Variants in KLF12 observed in about 807,000 individuals in gnomAD.
KLF12 encodes the protein KLF transcription factor 12.
Under a neutral mutation model 37.8 loss-of-function variants are expected in KLF12, and 9 were observed. The observed-to-expected ratio is 0.24, with a 90% CI of 0.14 to 0.42. KLF12 has a LOEUF of 0.42. Ranked by LOEUF, KLF12 falls within the 10% of genes least tolerant of loss-of-function variation. The pLI, the probability that KLF12 is intolerant of heterozygous loss-of-function variation, is 1.00. For missense variants in KLF12, 411 were observed against 516.0 expected, an observed-to-expected ratio of 0.80 and a Z score of 1.97; for synonymous variants, 208 against 202.1, an observed-to-expected ratio of 1.03 and a Z score of -0.25.
chr13:74,148,852 T>C, the KLF12 span, among the ~76,000 whole-genome samples: 1 of 151,890 alleles, frequency 6.6e-6, no homozygotes, highest in South Asian at 2.1e-4. Flanking sequence ...TCTCACTCTG[T>C]CACCCAGGCT....
At chr13:73,721,383 T>C (rs1010249989) in intron 6 of KLF12, among the ~76,000 whole-genome samples, 2 of 152,246 alleles carry the variant, frequency 1.3e-5, no homozygotes, top group African/African-American at 2.4e-5. Context: ...AACCCAATTA[T>C]ATAAAACAAC....
intron 7 of KLF12, among the ~76,000 whole-genome samples, chr13:73,713,392 C>T (rs1875553994): frequency 6.6e-6 from 1 of 152,132 alleles, no homozygotes; most frequent in African/African-American, 2.4e-5. Context: ...CAATAGTCAG[C>T]CAGAAGTGCC....
At chr13:73,907,279 T>C (rs112545683) in intron 3 of KLF12, among the ~76,000 whole-genome samples, 22 of 152,180 alleles carry the variant, frequency 1.4e-4, no homozygotes, top group African/African-American at 5.1e-4. Flanking sequence ...TATGTCTACC[T>C]ATGGTGCCTC....
At chr13:73,840,137 G>T (rs1884662511) in intron 4 of KLF12, among the ~76,000 whole-genome samples, 1 of 152,040 alleles carries the variant, frequency 6.6e-6, no homozygotes, top group South Asian at 2.1e-4. Context: ...ACAATTCTCG[G>T]TCCTCATTTT....
In KLF12 at chr13:73,794,053, C is replaced by A. The variant is rs568235677; in HGVS notation, c.806+19099G>T. On this transcript the variant is annotated intron_variant, in intron 5 of 7. Coordinates refer to ENST00000377669, the MANE Select transcript of KLF12 (RefSeq NM_007249.5). ...TTTTCTGGTTGCAGGAAAAAAAAAT[C>A]CACAAAGGTGAGGCAACACTTCCAG... 7.2e-5 allele frequency among the ~76,000 whole-genome samples: 11 copies of A among 152,286 alleles called. No homozygotes were observed. The East Asian group carries it at 1.7e-3, about 24-fold the overall frequency.
At chr13:74,087,373 T>TA (rs1329717922) in intron 1 of KLF12, among the ~76,000 whole-genome samples, 4 of 151,974 alleles carry the variant, frequency 2.6e-5, no homozygotes, top group African/African-American at 9.7e-5. Flanking sequence ...TCTCACCCAT[T>TA]AAAGTAGCTG....
At chr13:73,807,975 A>G (rs1594114717) in intron 5 of KLF12, among the ~76,000 whole-genome samples, 1 of 152,168 alleles carries the variant, frequency 6.6e-6, no homozygotes, top group Admixed American at 6.5e-5. Context: ...TTGGAATGAG[A>G]AAGAAGGAAA....
At chr13:73,916,533 A>G (rs780271690) in intron 3 of KLF12, among the ~76,000 whole-genome samples, 9 of 152,222 alleles carry the variant, frequency 5.9e-5, no homozygotes, top group Non-Finnish European at 1.0e-4. Context: ...ATTATGTTGA[A>G]TGTAGCACTT....
chr13:73,732,304 G>T (rs1467222578), intron 6 of KLF12, among the ~76,000 whole-genome samples: 8 of 151,738 alleles, frequency 5.3e-5, no homozygotes. Context: ...TGGCCATGCT[G>T]GTCGCAAACT....
chr13:73,865,209 A>C (rs1363271763), intron 3 of KLF12, among the ~76,000 whole-genome samples: 2 of 151,966 alleles, frequency 1.3e-5, no homozygotes, highest in African/African-American at 2.4e-5. Flanking sequence ...AGCTGTATAC[A>C]TTTCTTACCA....
chr13:74,270,440 A>T, the KLF12 span, among the ~76,000 whole-genome samples: 8 of 152,212 alleles, frequency 5.3e-5, no homozygotes, highest in Non-Finnish European at 1.2e-4. Flanking sequence ...AGAAACCTCA[A>T]TAAAAGTTGT....
the KLF12 span, among the ~76,000 whole-genome samples, chr13:74,234,787 T>C: frequency 2.0e-5 from 3 of 152,174 alleles, no homozygotes. Flanking sequence ...CAAATCTCTT[T>C]TGCCTGCTGA....
At chr13:73,751,322 T>C (rs763278050) in intron 6 of KLF12, among the ~76,000 whole-genome samples, 14 of 152,186 alleles carry the variant, frequency 9.2e-5, no homozygotes, top group Non-Finnish European at 2.1e-4. Flanking sequence ...GTTCGTACTG[T>C]TTTCCATAGA....
At chr13:73,807,106 G>A (rs899683179) in intron 5 of KLF12, among the ~76,000 whole-genome samples, 6 of 152,156 alleles carry the variant, frequency 3.9e-5, no homozygotes, top group Non-Finnish European at 5.9e-5. Flanking sequence ...CCAGGAGTTC[G>A]AGACTAGCCT....
intron 1 of KLF12, among the ~76,000 whole-genome samples, chr13:74,082,823 G>A (rs1874993516): frequency 6.6e-6 from 1 of 152,082 alleles, no homozygotes; most frequent in East Asian, 1.9e-4. Flanking sequence ...CAAAGCCAGG[G>A]AGCATTTTCC....
chr13:74,204,466 T>A, the KLF12 span, among the ~76,000 whole-genome samples: 3 of 152,140 alleles, frequency 2.0e-5, no homozygotes, highest in African/African-American at 7.2e-5. Context: ...CAAAAATACC[T>A]GTAAGAAATC....
intron 2 of KLF12, among the ~76,000 whole-genome samples, chr13:73,990,772 C>CTTAA (rs1199552188): frequency 3.3e-5 from 5 of 151,598 alleles, no homozygotes; most frequent in Admixed American, 6.6e-5. Context: ...ATCTATTAGG[C>CTTAA]TTAAATTCAA....
the KLF12 span, among the ~76,000 whole-genome samples, chr13:74,261,925 G>A: frequency 3.9e-5 from 6 of 152,158 alleles, no homozygotes; most frequent in Non-Finnish European, 8.8e-5. Flanking sequence ...CTCATCCATT[G>A]AGCAAGAACC....
intron 2 of KLF12, among the ~76,000 whole-genome samples, chr13:73,981,370 C>T (rs1891684239): frequency 6.6e-6 from 1 of 152,008 alleles, no homozygotes; most frequent in Non-Finnish European, 1.5e-5. Flanking sequence ...ATAGGAATGT[C>T]CATTGCTGAA....
Sources: gnomAD v4.1 joint callset for allele counts (sites outside exome capture counted in the v4.1 genomes callset) on GRCh38, gnomAD v4.1.1 for gene constraint, MANE v1.5 for transcripts, NCBI Gene and HGNC (gene_info 2026-07-23, HGNC 2026-07-21) for gene names.